Variants in CDKAL1 observed in about 807,000 individuals in gnomAD.
CDKAL1 encodes the protein CDKAL1 threonylcarbamoyladenosine tRNA methylthiotransferase.
CDKAL1 carries 32 observed loss-of-function variants against 68.2 expected under a neutral mutation model. The observed-to-expected ratio is 0.47, with a 90% CI of 0.35 to 0.63. The LOEUF (loss-of-function observed/expected upper bound fraction) is 0.63, where lower values mean the gene tolerates loss of function less well. Ranked by LOEUF, CDKAL1 falls within the 30% of genes least tolerant of loss-of-function variation. The probability of loss-of-function intolerance (pLI) is 0.00; values close to 1 mark genes in which losing one functional copy is unlikely to be tolerated. For missense variants in CDKAL1, 606 were observed against 696.7 expected (o/e 0.87, Z 1.47); for synonymous variants, 234 against 244.3 (o/e 0.96, Z 0.39).
rs903490461 is a variant in CDKAL1, at chr6:20,551,356, A to C, written c.286+2651A>C. ...GTCCTTGTATCACCCTTTTTCCTTC[A>C]GTAACTAAAATATCTTTTTTTTTTT... On this transcript the variant is annotated intron_variant, in intron 4 of 15. Transcript: ENST00000274695. Among the ~76,000 whole-genome samples, 4 of 150,866 alleles carry C rather than the reference A, an allele frequency of 2.7e-5. No homozygotes were observed. The South Asian group carries it at 8.4e-4, about 32-fold the overall frequency.
chr6:20,828,817 C>G (rs890470416), intron 8 of CDKAL1, among the ~76,000 whole-genome samples: 4 of 152,122 alleles, frequency 2.6e-5, no homozygotes, highest in Non-Finnish European at 4.4e-5. Context: ...TTTCCCTCTT[C>G]CCAACCTAAA....
chr6:20,537,161 A>G (rs1022891265), intron 2 of CDKAL1, among the ~76,000 whole-genome samples: 1 of 152,148 alleles, frequency 6.6e-6, no homozygotes, highest in Non-Finnish European at 1.5e-5. Context: ...GGTGAATAGA[A>G]TGAGTGTTGA....
chr6:20,799,199 C>T (rs550583755), intron 8 of CDKAL1, among the ~76,000 whole-genome samples: 7 of 151,778 alleles, frequency 4.6e-5, no homozygotes, highest in East Asian at 1.9e-4. Flanking sequence ...ATTACAGGCA[C>T]GCACCACCGC....
chr6:21,175,662 C>A (rs1165902486), intron 13 of CDKAL1, among the ~76,000 whole-genome samples: 1 of 152,156 alleles, frequency 6.6e-6, no homozygotes, highest in Non-Finnish European at 1.5e-5. Context: ...TTTAAAATTA[C>A]TAATAAATAA....
intron 9 of CDKAL1, among the ~76,000 whole-genome samples, chr6:20,940,997 G>A (rs918257370): frequency 1.3e-5 from 2 of 151,890 alleles, no homozygotes; most frequent in East Asian, 1.9e-4. Flanking sequence ...GGCTGAGGCA[G>A]AATGCTGTGA....
intron 4 of CDKAL1, among the ~76,000 whole-genome samples, chr6:20,561,117 C>T (rs1182246091): frequency 6.6e-6 from 1 of 152,020 alleles, no homozygotes; most frequent in African/African-American, 2.4e-5. Context: ...TTACCTTTGA[C>T]ATGTCAGAGA....
chr6:20,830,242 C>G (rs1018610656), intron 8 of CDKAL1, among the ~76,000 whole-genome samples: 3 of 152,110 alleles, frequency 2.0e-5, no homozygotes, highest in Non-Finnish European at 4.4e-5. Context: ...GAATAACCAT[C>G]AAAACAAAAT....
intron 8 of CDKAL1, among the ~76,000 whole-genome samples, chr6:20,788,065 C>T (rs910945113): frequency 6.6e-5 from 10 of 152,214 alleles, no homozygotes; most frequent in Admixed American, 5.9e-4. Flanking sequence ...CTATTAACTA[C>T]TTGTAATTAG....
intron 10 of CDKAL1, among the ~76,000 whole-genome samples, chr6:20,973,231 C>T (rs1003083502): frequency 3.3e-5 from 5 of 152,238 alleles, no homozygotes; most frequent in South Asian, 2.1e-4. Flanking sequence ...TAATTATTAT[C>T]ATTGTTACTA....
At chr6:20,930,775 C>T (rs1441044214) in intron 9 of CDKAL1, among the ~76,000 whole-genome samples, 1 of 149,076 alleles carries the variant, frequency 6.7e-6, no homozygotes, top group African/African-American at 2.5e-5. Context: ...ACAAGAGTCT[C>T]GCTCTGTTGC....
intron 6 of CDKAL1, among the ~76,000 whole-genome samples, chr6:20,742,206 A>G (rs1773489040): frequency 6.6e-6 from 1 of 152,094 alleles, no homozygotes; most frequent in Non-Finnish European, 1.5e-5. Flanking sequence ...GATGCTGGAT[A>G]TTAGACCTTT....
intron 7 of CDKAL1, among the ~76,000 whole-genome samples, chr6:20,760,222 C>T (rs557793259): frequency 2.8e-4 from 43 of 152,186 alleles, no homozygotes; most frequent in South Asian, 2.7e-3. Flanking sequence ...TCAAACGATC[C>T]ACCCACCTTG....
chr6:20,796,222 G>A (rs1183506653), intron 8 of CDKAL1, among the ~76,000 whole-genome samples: 1 of 152,026 alleles, frequency 6.6e-6, no homozygotes, highest in Non-Finnish European at 1.5e-5. Flanking sequence ...ATGTGTAATT[G>A]GAAAAGGAAA....
chr6:20,810,490 G>C (rs140085075), intron 8 of CDKAL1, among the ~76,000 whole-genome samples: 4 of 150,900 alleles, frequency 2.7e-5, no homozygotes, highest in Admixed American at 1.3e-4. Context: ...TTAGCTACTC[G>C]TGAGGCTGAG....
chr6:20,833,128 A>G (rs1360236337), intron 8 of CDKAL1, among the ~76,000 whole-genome samples: 3 of 152,208 alleles, frequency 2.0e-5, no homozygotes, highest in African/African-American at 7.2e-5. Context: ...TTATTGGAAT[A>G]CATTTATTGA....
At chr6:20,837,538 G>A (rs1475890051) in intron 8 of CDKAL1, among the ~76,000 whole-genome samples, 1 of 151,844 alleles carries the variant, frequency 6.6e-6, no homozygotes, top group East Asian at 1.9e-4. Context: ...TTTTTTGGTT[G>A]GTATATTTTG....
intron 4 of CDKAL1, among the ~76,000 whole-genome samples, chr6:20,629,819 G>T (rs1767593809): frequency 6.6e-6 from 1 of 151,908 alleles, no homozygotes; most frequent in East Asian, 1.9e-4. Context: ...GTGCTGGGCT[G>T]CCTGTCTTGG....
intron 11 of CDKAL1, among the ~76,000 whole-genome samples, chr6:21,019,896 A>G (rs1321960216): frequency 2.2e-5 from 3 of 136,906 alleles, no homozygotes; most frequent in Non-Finnish European, 5.0e-5. Flanking sequence ...TTCCAGCTTA[A>G]TTTTTACCTT....
intron 11 of CDKAL1, among the ~76,000 whole-genome samples, chr6:21,016,317 G>T (rs1295383434): frequency 6.6e-6 from 1 of 151,894 alleles, no homozygotes; most frequent in African/African-American, 2.4e-5. Flanking sequence ...TTCCAGAGCT[G>T]GTGCTTTTTA....
Sources: gnomAD v4.1 joint callset for allele counts (sites outside exome capture counted in the v4.1 genomes callset) on GRCh38, gnomAD v4.1.1 for gene constraint, MANE v1.5 for transcripts, NCBI Gene and HGNC (gene_info 2026-07-23, HGNC 2026-07-21) for gene names.